The following SCFD2 variants were observed in gnomAD, a reference collection of about 807,000 sequenced individuals.
SCFD2 encodes sec1 family domain containing 2.
SCFD2 carries 54 observed loss-of-function variants against 58.9 expected under a neutral mutation model. The observed-to-expected ratio is 0.92, with a 90% CI of 0.74 to 1.15. The LOEUF is 1.15. SCFD2 is among the 50% of genes most tolerant of loss of function. The pLI is 0.00. For synonymous variants in SCFD2, 321 were observed against 335.9 expected (o/e 0.96, Z 0.49); for missense variants, 805 against 836.6 (o/e 0.96, Z 0.47).
At chr4:52,983,965 A>G (rs980435936) in intron 5 of SCFD2, among the ~76,000 whole-genome samples, 1 of 152,230 alleles carries the variant, frequency 6.6e-6, no homozygotes, top group African/African-American at 2.4e-5. Flanking sequence ...TCTTTTCTGA[A>G]GAGAAAGCCT....
chr4:53,092,232 T>C (rs574487461), intron 5 of SCFD2, among the ~76,000 whole-genome samples: 1 of 152,176 alleles, frequency 6.6e-6, no homozygotes, highest in Non-Finnish European at 1.5e-5. Flanking sequence ...TGGATTTACA[T>C]TATAATTTGC....
intron 3 of SCFD2, among the ~76,000 whole-genome samples, chr4:53,301,453 A>G (rs1732290058): frequency 6.6e-6 from 1 of 151,852 alleles, no homozygotes; most frequent in Admixed American, 6.5e-5. Flanking sequence ...TTGAGGCAAT[A>G]ATTAATAGCT....
intron 5 of SCFD2, among the ~76,000 whole-genome samples, chr4:52,986,190 C>T (rs1363656686): frequency 6.7e-6 from 1 of 149,502 alleles, no homozygotes; most frequent in African/African-American, 2.5e-5. Flanking sequence ...CTTCCCTCTG[C>T]CCGTTCCCTG....
At chr4:53,148,965 G>C (rs916338321) in intron 4 of SCFD2, among the ~76,000 whole-genome samples, 15 of 152,206 alleles carry the variant, frequency 9.9e-5, no homozygotes, top group African/African-American at 3.6e-4. Context: ...AGCTATGATT[G>C]TGCCAGTGCA....
intron 3 of SCFD2, among the ~76,000 whole-genome samples, chr4:53,289,729 C>T (rs944403608): frequency 8.6e-5 from 13 of 152,034 alleles, no homozygotes; most frequent in African/African-American, 2.9e-4. Context: ...ATGCTGCCCA[C>T]AAAAGACCCA....
intron 4 of SCFD2, among the ~76,000 whole-genome samples, chr4:53,227,442 G>A (rs1194391572): frequency 6.6e-6 from 1 of 152,128 alleles, no homozygotes; most frequent in African/African-American, 2.4e-5. Context: ...TGCCATAGAG[G>A]GGATTCTTGT....
At chr4:53,340,857 A>G (rs79332809) in intron 2 of SCFD2, among the ~76,000 whole-genome samples, 1 of 152,234 alleles carries the variant, frequency 6.6e-6, no homozygotes, top group South Asian at 2.1e-4. Context: ...CAGGGTCTGG[A>G]GTGGACCTCC....
At chr4:53,217,621 C>T (rs188896094) in intron 4 of SCFD2, among the ~76,000 whole-genome samples, 60 of 152,204 alleles carry the variant, frequency 3.9e-4, no homozygotes, top group Admixed American at 7.9e-4. Context: ...GTCTTTTAAT[C>T]GGAGCATTTA....
At chr4:53,258,009 G>A (rs1463057256) in intron 4 of SCFD2, among the ~76,000 whole-genome samples, 2 of 152,154 alleles carry the variant, frequency 1.3e-5, no homozygotes, top group Admixed American at 1.3e-4. Flanking sequence ...GAAGTAGAAG[G>A]AAGGCTGAGC....
In SCFD2 at chr4:52,885,876, A is replaced by C; in HGVS notation, c.1843-10T>G. ...GATGAGGCCGGCTCACCTGCAAAACAAAACACCAGCAATATCAGATGGATG... is the reference window on the plus strand; with the variant it reads ...GATGAGGCCGGCTCACCTGCAAAACCAAACACCAGCAATATCAGATGGATG... On this transcript the variant is annotated splice_polypyrimidine_tract_variant and intron_variant, in intron 7 of 8. Coordinates refer to ENST00000401642, the MANE Select transcript of SCFD2 (RefSeq NM_152540.4). The C allele has an allele frequency of 1.2e-6, 2 of 1,613,870 alleles. No homozygotes were observed. Among genetic ancestry groups the C allele is most frequent in the South Asian group, 1.1e-5 (1 of 91,062 alleles).
At chr4:52,977,683 G>A (rs535419976) in intron 5 of SCFD2, among the ~76,000 whole-genome samples, 12 of 152,272 alleles carry the variant, frequency 7.9e-5, no homozygotes, top group East Asian at 5.8e-4. Flanking sequence ...AGATTCTCTC[G>A]TGCTCTAGTT....
intron 5 of SCFD2, among the ~76,000 whole-genome samples, chr4:53,116,770 T>C (rs1262302122): frequency 6.6e-6 from 1 of 152,188 alleles, no homozygotes; most frequent in Non-Finnish European, 1.5e-5. Flanking sequence ...AAAAGAACCC[T>C]GAGTCACATA....
intron 3 of SCFD2, among the ~76,000 whole-genome samples, chr4:53,284,134 A>T (rs1356172900): frequency 6.6e-6 from 1 of 151,328 alleles, no homozygotes; most frequent in Non-Finnish European, 1.5e-5. Context: ...AAAAAAAAAA[A>T]ATGCATGTAA....
intron 5 of SCFD2, among the ~76,000 whole-genome samples, chr4:53,080,176 G>A (rs1262080029): frequency 6.6e-6 from 1 of 152,106 alleles, no homozygotes; most frequent in Non-Finnish European, 1.5e-5. Context: ...AGAATGATGA[G>A]TTCTCATCTC....
At chr4:53,195,277 G>T (rs1482541371) in intron 4 of SCFD2, among the ~76,000 whole-genome samples, 3 of 152,164 alleles carry the variant, frequency 2.0e-5, no homozygotes, top group African/African-American at 4.8e-5. Flanking sequence ...AAATTATTAG[G>T]AGTAGTAGTA....
chr4:53,256,432 A>G (rs1300019123), intron 4 of SCFD2, among the ~76,000 whole-genome samples: 1 of 150,226 alleles, frequency 6.7e-6, no homozygotes, highest in East Asian at 2.0e-4. Flanking sequence ...CACATCCCAG[A>G]CGATGGGCGA....
At chr4:53,292,982 C>T (rs1371596502) in intron 3 of SCFD2, among the ~76,000 whole-genome samples, 1 of 151,904 alleles carries the variant, frequency 6.6e-6, no homozygotes, top group Non-Finnish European at 1.5e-5. Flanking sequence ...CACATGTATA[C>T]CTATGTAACA....
In SCFD2 at chr4:52,873,098, T is replaced by A. The variant is rs1718390038; in HGVS notation, c.*871A>T. 6.6e-6 allele frequency: 1 copy of A among 152,216 alleles called. No individual in the cohort carries two copies. Among genetic ancestry groups the A allele is most frequent in the Non-Finnish European group, 1.5e-5 (1 of 68,036 alleles). 9.4% of individuals were successfully genotyped at this position (152,216 alleles called of 1,614,324 possible). ...TTTGCCCTGGAGTTCTTACAAAGTT[T>A]CACTAGGTGGGTCTAGGTTTTTCTG... is the stretch of plus-strand genomic sequence containing the variant. On this transcript the variant is annotated 3_prime_UTR_variant, in exon 9 of 9. Coordinates refer to ENST00000401642, the MANE Select transcript of SCFD2 (RefSeq NM_152540.4).
At chr4:53,026,920 G>T (rs553737692) in intron 5 of SCFD2, among the ~76,000 whole-genome samples, 1 of 152,342 alleles carries the variant, frequency 6.6e-6, no homozygotes, top group South Asian at 2.1e-4. Context: ...TTCCCTGCTA[G>T]TGAAAGTGTA....
Sources: allele counts gnomAD v4.1 joint callset (sites outside exome capture counted in the v4.1 genomes callset), GRCh38; gene constraint gnomAD v4.1.1; transcripts MANE v1.5; gene names NCBI Gene and HGNC (gene_info 2026-07-23, HGNC 2026-07-21).